Variants in REELD1 observed in about 807,000 individuals in gnomAD.
The protein encoded by REELD1 is reeler domain containing 1, also known as reelin domain-containing protein 1.
Under a neutral mutation model 6.3 loss-of-function variants are expected in REELD1, and 12 were observed. That is an observed-to-expected ratio of 1.89 (90% confidence interval 1.21 to 3.07). The LOEUF (loss-of-function observed/expected upper bound fraction) is 3.07. Ranked by LOEUF, REELD1 falls within the 30% of genes most tolerant of loss-of-function variation. REELD1 has a pLI of 0.00. For synonymous variants in REELD1, 57 were observed against 33.6 expected (o/e 1.70, Z -2.42); for missense variants, 163 against 86.8 (o/e 1.88, Z -3.49).
chr4:146,229,959 C>T lies in REELD1; in HGVS notation c.1027C>T (p.Gln343Ter), dbSNP rs917576506. The change falls in exon 8 of 8, where the codon CAG becomes TAG. Residue 343 changes from glutamine (Q) to a stop codon, truncating the protein, a stop_gained. Coordinates refer to ENST00000623665, the MANE Select transcript of REELD1 (RefSeq NM_001354631.1). LOFTEE classifies it low-confidence loss of function (END_TRUNC). ...GACACAGCCTCCTCTGTCCACCGTC[C>T]AGCTTACCTATCCCCAGTGCCTCTG... ...TVTQPPLSTV[Q>*]LTYPQCLWSS... 1 of 398,624 alleles carries T rather than the reference C, an allele frequency of 2.5e-6. No individual in the cohort carries two copies. Among genetic ancestry groups the T allele is most frequent in the African/African-American group, 2.1e-5 (1 of 48,632 alleles). The allele number at this position is 398,624 out of a possible 1,614,324, so 24.7% of individuals were successfully genotyped here.
At chr4:146,214,982 A>G (rs1185966288) in intron 1 of REELD1, 94 bp from the exon 2 acceptor site, 4 of 152,212 alleles carry the variant, frequency 2.6e-5, no homozygotes, top group African/African-American at 9.7e-5. Context: ...CTTCCCTTGT[A>G]GGCAACTGTG....
chr4:146,216,974 G>A lies in REELD1; in HGVS notation c.22G>A (p.Val8Met), dbSNP rs930010421. 2.3e-5 allele frequency: 9 copies of A among 398,486 alleles called. No homozygotes were observed. The highest frequency in any genetic ancestry group is 1.3e-4 in the South Asian group (1 of 7,848). The allele number at this position is 398,486 out of a possible 1,614,324, so 24.7% of individuals were successfully genotyped here. A position where few individuals can be genotyped will look rare whatever the true frequency, so the allele number is the denominator to read the frequency against. The part of the protein sequence containing the change: MRMQAAL[V>M]GWACTTLCLA... ...CAGGATGAGGATGCAGGCTGCCCTC[G>A]TGGGCTGGGCTTGTACCACCCTCTG... The change falls in exon 3 of 8, where the codon GTG (valine) becomes ATG (methionine). Residue 8 changes from valine to methionine, a missense_variant. Transcript: ENST00000623665.
At chr4:146,223,022 A>G (rs1321814300) in intron 4 of REELD1, among the ~76,000 whole-genome samples, 2 of 152,192 alleles carry the variant, frequency 1.3e-5, no homozygotes, top group Non-Finnish European at 2.9e-5. Context: ...GCATAACCAC[A>G]GCACCTCCCT....
At chr4:146,224,903 C>T (rs1308867482) in intron 5 of REELD1, among the ~76,000 whole-genome samples, 2 of 152,222 alleles carry the variant, frequency 1.3e-5, no homozygotes, top group Non-Finnish European at 2.9e-5. Flanking sequence ...CAAAAAACAG[C>T]ATACACCTCT....
chr4:146,220,164 G>A (rs1730898101), intron 3 of REELD1, among the ~76,000 whole-genome samples: 1 of 152,072 alleles, frequency 6.6e-6, no homozygotes, highest in Non-Finnish European at 1.5e-5. Flanking sequence ...TAGCCAGGGT[G>A]GTCTCAATCT....
At chr4:146,225,951 A>G (rs1377967292) in intron 5 of REELD1, among the ~76,000 whole-genome samples, 1 of 152,068 alleles carries the variant, frequency 6.6e-6, no homozygotes, top group Non-Finnish European at 1.5e-5. Context: ...GGAAAAAGAA[A>G]CATGTATGTA....
At position 146,232,011 on chromosome 4, in the gene REELD1, G is replaced by T. The variant is rs926598346; in HGVS notation, c.*1498G>T. 2.6e-5 allele frequency: 4 copies of T among 152,158 alleles called. No homozygotes were observed. Among genetic ancestry groups the T allele is most frequent in the Non-Finnish European group, 5.9e-5 (4 of 68,048 alleles). 9.4% of individuals were successfully genotyped at this position (152,158 alleles called of 1,614,324 possible). On this transcript the variant is annotated 3_prime_UTR_variant, in exon 8 of 8. Coordinates refer to ENST00000623665, the MANE Select transcript of REELD1 (RefSeq NM_001354631.1). ...AACAAAAGTACTGTAGTCTAATAAG[G>T]CCACAGATATCCCTTCTGTATGTCT... is the stretch of plus-strand genomic sequence containing the variant.
chr4:146,221,947 G>A (rs1285744714), intron 3 of REELD1, among the ~76,000 whole-genome samples: 1 of 151,916 alleles, frequency 6.6e-6, no homozygotes, highest in African/African-American at 2.4e-5. Flanking sequence ...AATTCACCAT[G>A]ACAATGAATA....
At chr4:146,222,961 C>T (rs1730950088) in intron 4 of REELD1, among the ~76,000 whole-genome samples, 1 of 152,106 alleles carries the variant, frequency 6.6e-6, no homozygotes, top group South Asian at 2.1e-4. Flanking sequence ...GTCCCTGGGC[C>T]CAGGAAAAGC....
chr4:146,228,558 T>A (rs1406458129), intron 6 of REELD1, 36 bp downstream of exon 6: 1 of 684,762 alleles, frequency 1.5e-6, no homozygotes, highest in Admixed American at 2.1e-5. Context: ...GGACAGGTGA[T>A]GGGACTAGGA....
intron 3 of REELD1, among the ~76,000 whole-genome samples, chr4:146,218,230 A>C (rs1730859559): frequency 6.6e-6 from 1 of 152,202 alleles, no homozygotes; most frequent in Non-Finnish European, 1.5e-5. Flanking sequence ...GGAACTTACC[A>C]GTTTCGGGTT....
In REELD1 at chr4:146,229,916, G is replaced by A. The variant is rs1223011850; in HGVS notation, c.984G>A (p.Lys328=). 2.5e-6 allele frequency: 1 copy of A among 398,492 alleles called. No homozygotes were observed. The highest frequency in any genetic ancestry group is 4.4e-6 in the Non-Finnish European group (1 of 226,108). The allele number at this position is 398,492 out of a possible 1,614,324, so 24.7% of individuals were successfully genotyped here. ...SSDGGEQDKT[K]ASNRTVTQPP... ...CTTTGTTTTTCTAGGACAAGACGAA[G>A]GCCTCTAACAGGACCGTGACACAGC... The change falls in exon 8 of 8, where the codon AAG becomes AAA. Residue 328 remains lysine (K), a synonymous_variant. Transcript: ENST00000623665.
Position 146,216,893 on chromosome 4 carries a change from G to A in REELD1, c.-11-49G>A, listed in dbSNP as rs143712381. ...TCACATCCCGAGAAGACTTTATGTC[G>A]TTTTCCTAAATAACGTCTGGACTGA... is the stretch of plus-strand genomic sequence containing the variant. On this transcript the variant is annotated intron_variant, in intron 2 of 7. Transcript: ENST00000623665. 4.7e-3 allele frequency: 1,858 copies of A among 398,130 alleles called. 89 individuals carry two copies. The Admixed American group carries it at 0.066, about 14-fold the overall frequency. The allele number at this position is 398,130 out of a possible 1,614,324, so 24.7% of individuals were successfully genotyped here. A position where few individuals can be genotyped will look rare whatever the true frequency, so the allele number is the denominator to read the frequency against.
In REELD1 at chr4:146,230,721, G is replaced by T. The variant is rs1731116157; in HGVS notation, c.*208G>T. ...TTGTTGTCTTAACATCTGTAATTGG[G>T]CTTCCTTCTTTCTTTTTGCAATTAG... On this transcript the variant is annotated 3_prime_UTR_variant, in exon 8 of 8. Coordinates refer to ENST00000623665, the MANE Select transcript of REELD1 (RefSeq NM_001354631.1). 2 of 376,116 alleles carry T rather than the reference G, an allele frequency of 5.3e-6. No homozygotes were observed. The highest frequency in any genetic ancestry group is 9.4e-6 in the Non-Finnish European group (2 of 211,832). The allele number at this position is 376,116 out of a possible 1,614,324, so 23.3% of individuals were successfully genotyped here.
chr4:146,228,464 G>A lies in REELD1; in HGVS notation c.850G>A (p.Val284Met), dbSNP rs865916190. The change falls in exon 6 of 8, where the codon GTG (valine) becomes ATG (methionine). Residue 284 changes from valine (V) to methionine (M), a missense_variant. Val to Met is a conservative substitution (Grantham distance 21). Transcript: ENST00000623665. ...SLEVHRLERL[V>M]ALKRVSSESF... is the part of the protein sequence containing the mutation. ...GGAGGTCCACAGGCTGGAGAGGCTC[G>A]TGGCCCTCAAGAGAGTCTCCTCAGA... 3.0e-5 allele frequency: 21 copies of A among 702,362 alleles called. No individual in the cohort carries two copies. Among genetic ancestry groups the A allele is most frequent in the Middle Eastern group, 4.6e-4 (2 of 4,380 alleles). 43.5% of individuals were successfully genotyped at this position (702,362 alleles called of 1,614,324 possible).
At chr4:146,220,864 T>C (rs1309501406) in intron 3 of REELD1, among the ~76,000 whole-genome samples, 1 of 152,208 alleles carries the variant, frequency 6.6e-6, no homozygotes, top group African/African-American at 2.4e-5. Context: ...TCCACATGAA[T>C]GTAACATCTG....
intron 4 of REELD1, among the ~76,000 whole-genome samples, chr4:146,223,109 A>T (rs544616154): frequency 6.6e-6 from 1 of 152,244 alleles, no homozygotes; most frequent in African/African-American, 2.4e-5. Context: ...TAAAAGCATC[A>T]TTAGTACTCA....
chr4:146,219,434 T>A (rs991859086), intron 3 of REELD1, among the ~76,000 whole-genome samples: 1 of 152,302 alleles, frequency 6.6e-6, no homozygotes, highest in South Asian at 2.1e-4. Context: ...GTTATCCTGC[T>A]CATAGATACA....
At chr4:146,216,299 T>TA (rs531207471) in intron 2 of REELD1, among the ~76,000 whole-genome samples, 172 of 152,348 alleles carry the variant, frequency 1.1e-3, no homozygotes, top group African/African-American at 3.6e-3. Flanking sequence ...TTTAAGAAGT[T>TA]ATAGAATAAA....
Sources: gnomAD v4.1 joint callset for allele counts (sites outside exome capture counted in the v4.1 genomes callset) on GRCh38, gnomAD v4.1.1 for gene constraint, MANE v1.5 for transcripts, NCBI Gene and HGNC (gene_info 2026-07-23, HGNC 2026-07-21) for gene names.